Variants in EPS8 observed in about 807,000 individuals in gnomAD.
EPS8 encodes EGFR pathway substrate 8, signaling adaptor.
A neutral mutation model predicts 103.8 loss-of-function variants in EPS8; 42 were observed. The ratio of observed to expected loss-of-function variants is 0.40; its 90% CI spans 0.32 to 0.52. The LOEUF is 0.52. Ranked by LOEUF, EPS8 falls within the 20% of genes least tolerant of loss-of-function variation. The probability of loss-of-function intolerance (pLI) is 0.40; values close to 1 mark genes in which losing one functional copy is unlikely to be tolerated. For missense variants in EPS8, 969 were observed against 1,005.1 expected (o/e 0.96, Z 0.49); for synonymous variants, 344 against 344.6 (o/e 1.00, Z 0.02).
intron 1 of EPS8, among the ~76,000 whole-genome samples, chr12:15,707,511 G>A (rs1429232643): frequency 1.3e-5 from 2 of 150,498 alleles, no homozygotes; most frequent in Admixed American, 6.6e-5. Context: ...CACTAATCAA[G>A]TACTTGCTTA....
At position 15,637,061 on chromosome 12, in the gene EPS8, G is replaced by T. The variant is rs533177831; in HGVS notation, c.1821+3642C>A. On this transcript the variant is annotated intron_variant, in intron 17 of 20. Transcript: ENST00000281172. The stretch of plus-strand genomic sequence containing the variant: ...TTTTGAGACGGAGTCTCGCTCTGTC[G>T]CCAGGCTGGAGTGCAGTGGCACAAT... 2.0e-5 allele frequency among the ~76,000 whole-genome samples: 3 copies of T among 152,210 alleles called. No homozygotes were observed. The South Asian group carries it at 6.2e-4, about 32-fold the overall frequency.
intron 15 of EPS8, among the ~76,000 whole-genome samples, chr12:15,645,592 G>C (rs1043731149): frequency 6.6e-6 from 1 of 152,068 alleles, no homozygotes; most frequent in African/African-American, 2.4e-5. Flanking sequence ...ATTCTATAAA[G>C]ATCATAAAAA....
At chr12:15,720,684 A>T (rs576627388) in intron 1 of EPS8, among the ~76,000 whole-genome samples, 1 of 152,206 alleles carries the variant, frequency 6.6e-6, no homozygotes, top group East Asian at 1.9e-4. Context: ...TCTTACTGTC[A>T]CCTAAAAGCC....
intron 1 of EPS8, among the ~76,000 whole-genome samples, chr12:15,770,916 A>C (rs1387929444): frequency 6.6e-6 from 1 of 152,194 alleles, no homozygotes; most frequent in Non-Finnish European, 1.5e-5. Context: ...ATACACATTG[A>C]GCGTCTATCA....
In EPS8 at chr12:15,690,036, G is replaced by A. The variant is rs1003417962; in HGVS notation, c.-21-7064C>T. On this transcript the variant is annotated intron_variant, in intron 1 of 20. Coordinates refer to ENST00000281172, the MANE Select transcript of EPS8 (RefSeq NM_004447.6). The surrounding 1 kb of genome is among the most constrained non-coding windows in gnomAD (Gnocchi z 4.7). ...GCAAGAAGAGCTGTAACCCAAGGAT[G>A]AGATATAATATTTTAATATTTAACC... 6.6e-6 allele frequency among the ~76,000 whole-genome samples: 1 copy of A among 152,134 alleles called. No individual in the cohort carries two copies. The highest frequency in any genetic ancestry group is 1.5e-5 in the Non-Finnish European group (1 of 68,030).
intron 3 of EPS8, among the ~76,000 whole-genome samples, chr12:15,671,336 A>G (rs1046950137): frequency 1.3e-5 from 2 of 152,138 alleles, no homozygotes; most frequent in African/African-American, 4.8e-5. Context: ...ACTGTATTAT[A>G]TGAGTTAGAC....
rs891384649 is a variant in EPS8 at position 15,757,325 on chromosome 12, GTATT to G, written c.-22+31832_-22+31835del. 6.6e-6 allele frequency among the ~76,000 whole-genome samples: 1 copy of G among 152,028 alleles called. No individual in the cohort carries two copies. Among genetic ancestry groups the G allele is most frequent in the African/African-American group, 2.4e-5 (1 of 41,380 alleles). On this transcript the variant is annotated intron_variant, in intron 1 of 20. Coordinates refer to ENST00000281172, the MANE Select transcript of EPS8 (RefSeq NM_004447.6). This position sits in a 1 kb window ranked among gnomAD's most constrained non-coding sequence, Gnocchi z 4.1. ...GCATATTAATAACAAAGAGGTAAAG[GTATT>G]TATTTAAGATGAAGAGATGGGCCAG...
In EPS8 at chr12:15,767,605, T is replaced by C. The variant is rs1006643915; in HGVS notation, c.-22+21556A>G. 1.3e-5 allele frequency among the ~76,000 whole-genome samples: 2 copies of C among 152,228 alleles called. No homozygotes were observed. Among genetic ancestry groups the C allele is most frequent in the African/African-American group, 2.4e-5 (1 of 41,456 alleles). Reference sequence around the variant, plus strand: ...TTCCAAAACAGTGAACTAAATGCCCTATTTTTCCAATACATTAAAAAAGGC... The same window carrying C: ...TTCCAAAACAGTGAACTAAATGCCCCATTTTTCCAATACATTAAAAAAGGC... On this transcript the variant is annotated intron_variant, in intron 1 of 20. Transcript: ENST00000281172. This position sits in a 1 kb window ranked among gnomAD's most constrained non-coding sequence, Gnocchi z 5.5.
intron 10 of EPS8, among the ~76,000 whole-genome samples, chr12:15,659,453 G>A (rs1203572790): frequency 1.3e-5 from 2 of 152,192 alleles, no homozygotes; most frequent in Non-Finnish European, 2.9e-5. Context: ...GCAAGAGAAT[G>A]AAGTCACAGA....
intron 1 of EPS8, among the ~76,000 whole-genome samples, chr12:15,703,748 TGACACTTTCA>T (rs1946343451): frequency 6.6e-6 from 1 of 150,678 alleles, no homozygotes; most frequent in South Asian, 2.1e-4. Context: ...AGAACGAAGT[TGACACTTTCA>T]GGAAGCAAAG....
At chr12:15,729,884 A>G (rs1251181825) in intron 1 of EPS8, among the ~76,000 whole-genome samples, 1 of 152,220 alleles carries the variant, frequency 6.6e-6, no homozygotes, top group East Asian at 1.9e-4. Context: ...ATGTTTACAT[A>G]GGTATGATTA....
chr12:15,747,814 A>G lies in EPS8; in HGVS notation c.-22+41347T>C, dbSNP rs1163398460. Among the ~76,000 whole-genome samples the G allele has an allele frequency of 1.3e-5, 2 of 152,060 alleles. No homozygotes were observed. Among genetic ancestry groups the G allele is most frequent in the Admixed American group, 6.6e-5 (1 of 15,246 alleles). ...GGTGGGCGGATCACGAGGTCAGGAGATCGAGACCATCCTGGCTAACACGGT... is the reference window on the plus strand; with the variant it reads ...GGTGGGCGGATCACGAGGTCAGGAGGTCGAGACCATCCTGGCTAACACGGT... On this transcript the variant is annotated intron_variant, in intron 1 of 20. Transcript: ENST00000281172. This position sits in a 1 kb window ranked among gnomAD's most constrained non-coding sequence, Gnocchi z 4.4.
At chr12:15,623,975 T>C (rs949636085) in intron 19 of EPS8, among the ~76,000 whole-genome samples, 2 of 152,182 alleles carry the variant, frequency 1.3e-5, no homozygotes, top group Non-Finnish European at 2.9e-5. Context: ...AAGCTGCCAA[T>C]AGTTTGCTTA....
In EPS8 at chr12:15,733,098, A is replaced by G. The variant is rs1039267873; in HGVS notation, c.-21-50126T>C. 6.6e-6 allele frequency among the ~76,000 whole-genome samples: 1 copy of G among 152,206 alleles called. No individual in the cohort carries two copies. Among genetic ancestry groups the G allele is most frequent in the Admixed American group, 6.5e-5 (1 of 15,280 alleles). On this transcript the variant is annotated intron_variant, in intron 1 of 20. Coordinates refer to ENST00000281172, the MANE Select transcript of EPS8 (RefSeq NM_004447.6). The surrounding 1 kb of genome is among the most constrained non-coding windows in gnomAD (Gnocchi z 4.8). ...CCCAAAACAGATACTGGAAAGAAAT[A>G]TAATGTATTCGTCCATTTTCACACT...
At position 15,648,654 on chromosome 12, in the gene EPS8, T is replaced by C. The variant is rs140419651; in HGVS notation, c.1435-1394A>G. On this transcript the variant is annotated intron_variant, in intron 14 of 20. Transcript: ENST00000281172. ...AAGGCTGTTCTAAAGAGGGGAGTGCTCTAACTGTTGGAAGCACCCACACCT... is the reference window on the plus strand; with the variant it reads ...AAGGCTGTTCTAAAGAGGGGAGTGCCCTAACTGTTGGAAGCACCCACACCT... Among the ~76,000 whole-genome samples, 434 of 152,320 alleles carry C rather than the reference T, an allele frequency of 2.8e-3. 4 individuals carry two copies. Among genetic ancestry groups the C allele is most frequent in the African/African-American group, 0.01 (416 of 41,570 alleles).
rs184886917 is a variant in EPS8 at position 15,654,165 on chromosome 12, T to G, written c.1230A>C (p.Gly410=). ...GDERQLWMSL[G]GTWMKARAEW... is the part of the protein sequence containing the mutation. ...CTTACCTGGCTTTCATCCAAGTTCC[T>G]CCCAATGACATCCACAGCTGCCGTT... is the stretch of plus-strand genomic sequence containing the variant. The change falls in exon 13 of 21, where the codon GGA becomes GGC. Residue 410 remains glycine, a synonymous_variant. Coordinates refer to ENST00000281172, the MANE Select transcript of EPS8 (RefSeq NM_004447.6). The G allele has an allele frequency of 5.4e-5, 87 of 1,613,792 alleles. No individual in the cohort carries two copies. In the Admixed American group the frequency reaches 9.3e-4, roughly 17 times the overall value.
At position 15,633,094 on chromosome 12, in the gene EPS8, T is replaced by C. The variant is rs116550840; in HGVS notation, c.1822-1430A>G. ...AGATTCTCAGAGTAAGAGAAGGAGT[T>C]AGGTGGGACAGAAACTGAGTTGCTA... On this transcript the variant is annotated intron_variant, in intron 17 of 20. Transcript: ENST00000281172. Among the ~76,000 whole-genome samples the C allele has an allele frequency of 3.1e-3, 466 of 152,228 alleles. 4 individuals carry two copies. Among genetic ancestry groups the C allele is most frequent in the African/African-American group, 0.011 (441 of 41,550 alleles).
intron 1 of EPS8, among the ~76,000 whole-genome samples, chr12:15,783,291 G>A (rs182818629): frequency 1.3e-5 from 2 of 152,222 alleles, no homozygotes; most frequent in East Asian, 1.9e-4. Context: ...AGAATACAAT[G>A]TAATATACAT....
At chr12:15,715,774 C>T (rs1200439246) in intron 1 of EPS8, among the ~76,000 whole-genome samples, 1 of 151,974 alleles carries the variant, frequency 6.6e-6, no homozygotes, top group Non-Finnish European at 1.5e-5. Flanking sequence ...CAGGCGTGAG[C>T]CACCATGCCT....
Sources: gnomAD v4.1 joint callset for allele counts (sites outside exome capture counted in the v4.1 genomes callset) on GRCh38, gnomAD v4.1.1 for gene constraint, Gnocchi (gnomAD v3.1) non-coding constraint, MANE v1.5 for transcripts, NCBI Gene and HGNC (gene_info 2026-07-23, HGNC 2026-07-21) for gene names.